Variants in MTHFS observed in about 807,000 individuals in gnomAD.
MTHFS encodes 5-formyltetrahydrofolate cyclo-ligase.
In MTHFS, 7 loss-of-function variants were observed where a neutral mutation model predicts 12.7. The observed-to-expected ratio is 0.55, with a 90% confidence interval of 0.31 to 1.03. The LOEUF (loss-of-function observed/expected upper bound fraction) is 1.03, where lower values mean the gene tolerates loss of function less well. Ranked by LOEUF, MTHFS falls within the 50% of genes least tolerant of loss-of-function variation. MTHFS has a pLI of 0.05. For synonymous variants in MTHFS, 100 were observed against 97.1 expected (o/e 1.03, Z -0.18); for missense variants, 252 against 258.1 (o/e 0.98, Z 0.16).
chr15:79,896,838 T>G, intron 1 of MTHFS, 34 bp downstream of exon 1: 1 of 1,538,844 alleles, frequency 6.5e-7, no homozygotes, highest in Non-Finnish European at 8.7e-7. Context: ...GGAGGGTCTG[T>G]CCGCCGCGGC....
intron 2 of MTHFS, among the ~76,000 whole-genome samples, chr15:79,856,472 T>C (rs2033804857): frequency 6.6e-6 from 1 of 152,148 alleles, no homozygotes; most frequent in South Asian, 2.1e-4. Flanking sequence ...TGTTTATCTG[T>C]GTGATTCAAT....
Position 79,844,790 on chromosome 15 carries a change from A to G in MTHFS, c.*420T>C, listed in dbSNP as rs2033579682. ...ATCCAAAGCAAATACCAACAAATAA[A>G]TTAATAGTCCCCAAGTCTCCATGTG... On this transcript the variant is annotated 3_prime_UTR_variant, in exon 3 of 3. Transcript: ENST00000258874. Among the ~76,000 whole-genome samples the G allele has an allele frequency of 6.6e-6, 1 of 152,202 alleles. No individual in the cohort carries two copies. Among genetic ancestry groups the G allele is most frequent in the South Asian group, 2.1e-4 (1 of 4,832 alleles).
At chr15:79,869,713 C>T (rs1430608147) in intron 2 of MTHFS, among the ~76,000 whole-genome samples, 4 of 152,124 alleles carry the variant, frequency 2.6e-5, no homozygotes, top group South Asian at 4.1e-4. Context: ...GGATAACAGG[C>T]ATGAGCCACC....
At chr15:79,845,795 A>AC (rs2033603162) in intron 2 of MTHFS, among the ~76,000 whole-genome samples, 1 of 152,066 alleles carries the variant, frequency 6.6e-6, no homozygotes, top group African/African-American at 2.4e-5. Flanking sequence ...GGAAATCAAT[A>AC]CCCCAGGATA....
chr15:79,896,178 G>A (rs1363767720), intron 1 of MTHFS, among the ~76,000 whole-genome samples: 1 of 152,130 alleles, frequency 6.6e-6, no homozygotes, highest in African/African-American at 2.4e-5. Flanking sequence ...CTACGTTCTT[G>A]GGAAGCCTGG....
At chr15:79,848,183 C>T (rs1412682155) in intron 2 of MTHFS, among the ~76,000 whole-genome samples, 1 of 152,230 alleles carries the variant, frequency 6.6e-6, no homozygotes, top group African/African-American at 2.4e-5. Flanking sequence ...GAAGGAAATT[C>T]TGCAATATGC....
At chr15:79,883,578 A>G (rs940707726) in intron 2 of MTHFS, among the ~76,000 whole-genome samples, 4 of 152,264 alleles carry the variant, frequency 2.6e-5, no homozygotes, top group African/African-American at 9.6e-5. Context: ...AAGGACTAGT[A>G]CATTGTAGGC....
chr15:79,892,936 C>T lies in MTHFS; in HGVS notation c.118-3582G>A, dbSNP rs1019942775. 4.0e-5 allele frequency among the ~76,000 whole-genome samples: 6 copies of T among 151,000 alleles called. No homozygotes were observed. In the East Asian group the frequency reaches 6.0e-4, roughly 15 times the overall value. On this transcript the variant is annotated intron_variant, in intron 1 of 2. Coordinates refer to ENST00000258874, the MANE Select transcript of MTHFS (RefSeq NM_006441.4). ...ACTGCACTCCAGCCTGGCAACAGAG[C>T]GAGACTCCATCTAAAAAAAAATTAA...
At chr15:79,865,325 T>G (rs2033990462) in intron 2 of MTHFS, among the ~76,000 whole-genome samples, 2 of 152,268 alleles carry the variant, frequency 1.3e-5, no homozygotes, top group South Asian at 4.1e-4. Flanking sequence ...GAAAACAAAC[T>G]TGGGAAAAAT....
At chr15:79,883,141 T>TACACTTGAGCCCAAG (rs1387002188) in intron 2 of MTHFS, among the ~76,000 whole-genome samples, 1 of 152,160 alleles carries the variant, frequency 6.6e-6, no homozygotes, top group African/African-American at 2.4e-5. Flanking sequence ...AAGTTCAAGG[T>TACACTTGAGCCCAAG]TACAGTTAGC....
At chr15:79,860,328 G>A (rs2033890124) in intron 2 of MTHFS, among the ~76,000 whole-genome samples, 2 of 151,812 alleles carry the variant, frequency 1.3e-5, no homozygotes, top group African/African-American at 4.8e-5. Context: ...GGCAGAGCTT[G>A]CAGTGAACAG....
At chr15:79,870,940 C>T (rs1403093036) in intron 2 of MTHFS, among the ~76,000 whole-genome samples, 1 of 152,124 alleles carries the variant, frequency 6.6e-6, no homozygotes, top group Middle Eastern at 3.4e-3. Context: ...CTGAGGAGGT[C>T]GAGACCAGCC....
intron 2 of MTHFS, among the ~76,000 whole-genome samples, chr15:79,861,712 G>A (rs1566990195): frequency 6.6e-6 from 1 of 152,116 alleles, no homozygotes; most frequent in Non-Finnish European, 1.5e-5. Context: ...CAGAAGACTG[G>A]TTAAATAACT....
intron 2 of MTHFS, among the ~76,000 whole-genome samples, chr15:79,850,793 C>T (rs1262213636): frequency 1.4e-4 from 22 of 152,050 alleles, no homozygotes; most frequent in Admixed American, 1.4e-3. Context: ...AGGAAAAAAG[C>T]CTAGGTAGTA....
At chr15:79,866,870 C>A (rs1419577231) in intron 2 of MTHFS, among the ~76,000 whole-genome samples, 1 of 152,064 alleles carries the variant, frequency 6.6e-6, no homozygotes, top group African/African-American at 2.4e-5. Context: ...ACAGGAGAAT[C>A]GCTTGAATCC....
intron 1 of MTHFS, 21 bp downstream of exon 1, chr15:79,896,851 C>A: frequency 6.5e-7 from 1 of 1,540,614 alleles, no homozygotes; most frequent in Non-Finnish European, 8.7e-7. Context: ...GCCGCGGCTT[C>A]CGCTACGGGC....
chr15:79,883,447 TAGA>T (rs771417768), intron 2 of MTHFS, among the ~76,000 whole-genome samples: 6 of 152,078 alleles, frequency 3.9e-5, no homozygotes, highest in Non-Finnish European at 7.4e-5. Flanking sequence ...ACAAATGATT[TAGA>T]AGAAGGTTTC....
At chr15:79,886,553 G>GA (rs988972878) in intron 2 of MTHFS, among the ~76,000 whole-genome samples, 17 of 148,016 alleles carry the variant, frequency 1.1e-4, no homozygotes, top group Middle Eastern at 3.5e-3. Context: ...CTATAGAGGA[G>GA]AAAAAAAAAA....
intron 2 of MTHFS, chr15:79,877,574 A>C (rs2034221192): frequency 6.6e-6 from 1 of 151,848 alleles, no homozygotes; most frequent in South Asian, 2.1e-4. Context: ...AGCAGTGCAC[A>C]CCTGTAGTCC....
Sources: allele counts gnomAD v4.1 joint callset (sites outside exome capture counted in the v4.1 genomes callset), GRCh38; gene constraint gnomAD v4.1.1; transcripts MANE v1.5; gene names NCBI Gene and HGNC (gene_info 2026-07-23, HGNC 2026-07-21).